ANKS1B: variants seen among roughly 807,000 people sequenced by gnomAD.
The protein encoded by ANKS1B is ankyrin repeat and sterile alpha motif domain-containing protein 1B.
Under a neutral mutation model 148.3 loss-of-function variants are expected in ANKS1B, and 36 were observed. That is an observed-to-expected ratio of 0.24 (90% confidence interval 0.19 to 0.32). The LOEUF is 0.32. Ranked by LOEUF, ANKS1B falls within the 10% of genes least tolerant of loss-of-function variation. The probability of loss-of-function intolerance (pLI) is 1.00; values close to 1 mark genes in which losing one functional copy is unlikely to be tolerated. For missense variants in ANKS1B, 1,157 were observed against 1,542.6 expected (o/e 0.75, Z 4.19); for synonymous variants, 542 against 560.8 (o/e 0.97, Z 0.47).
At chr12:99,528,065 G>GT (rs2096944944) in intron 9 of ANKS1B, among the ~76,000 whole-genome samples, 1 of 151,890 alleles carries the variant, frequency 6.6e-6, no homozygotes, top group African/African-American at 2.4e-5. Flanking sequence ...CAGAAATAAA[G>GT]CCACATGTCT....
intron 1 of ANKS1B, among the ~76,000 whole-genome samples, chr12:99,931,961 T>G (rs1363388810): frequency 6.6e-6 from 1 of 152,140 alleles, no homozygotes; most frequent in African/African-American, 2.4e-5. Context: ...TCCTACTCTC[T>G]TATATTCATG....
At chr12:99,584,260 G>A (rs1328353817) in intron 9 of ANKS1B, among the ~76,000 whole-genome samples, 3 of 152,112 alleles carry the variant, frequency 2.0e-5, no homozygotes, top group Non-Finnish European at 4.4e-5. Context: ...ATACAATAAT[G>A]CATTTCCAAC....
In ANKS1B at chr12:99,816,996, T is replaced by C. The variant is rs950898507; in HGVS notation, c.216-4685A>G. Among the ~76,000 whole-genome samples the C allele has an allele frequency of 2.6e-5, 4 of 151,738 alleles. No individual in the cohort carries two copies. In the South Asian group the frequency reaches 6.2e-4, roughly 24 times the overall value. ...TAAATCAGGATAATTGGGGTATCCA[T>C]TACCTCAAAGGTTTATCTTTTTTTT... On this transcript the variant is annotated intron_variant, in intron 2 of 26. Coordinates refer to ENST00000683438, the MANE Select transcript of ANKS1B (RefSeq NM_001352186.2).
chr12:99,342,523 T>C (rs1192190136), intron 12 of ANKS1B, among the ~76,000 whole-genome samples: 2 of 152,048 alleles, frequency 1.3e-5, no homozygotes, highest in Non-Finnish European at 2.9e-5. Flanking sequence ...GTGCAATCTC[T>C]AGTAGATGGT....
chr12:99,597,351 T>C (rs2097766875), intron 9 of ANKS1B, among the ~76,000 whole-genome samples: 1 of 151,998 alleles, frequency 6.6e-6, no homozygotes, highest in Non-Finnish European at 1.5e-5. Flanking sequence ...TTGTGAAATT[T>C]GGACATTTTC....
intron 9 of ANKS1B, among the ~76,000 whole-genome samples, chr12:99,600,711 G>A (rs1177263537): frequency 6.6e-6 from 1 of 151,946 alleles, no homozygotes; most frequent in Admixed American, 6.6e-5. Flanking sequence ...ACTTAACTGG[G>A]TCAAAAATTG....
intron 22 of ANKS1B, among the ~76,000 whole-genome samples, chr12:98,788,582 G>A (rs911055416): frequency 6.6e-6 from 1 of 152,200 alleles, no homozygotes; most frequent in African/African-American, 2.4e-5. Flanking sequence ...AGCAGCCATT[G>A]AAACCACACC....
chr12:99,801,954 T>C (rs965018538), intron 4 of ANKS1B, among the ~76,000 whole-genome samples: 23 of 152,274 alleles, frequency 1.5e-4, no homozygotes, highest in African/African-American at 5.1e-4. Context: ...AAAAGCAGTA[T>C]CATGATCAGA....
intron 1 of ANKS1B, among the ~76,000 whole-genome samples, chr12:99,905,867 T>C (rs2093760119): frequency 6.6e-6 from 1 of 152,274 alleles, no homozygotes; most frequent in South Asian, 2.1e-4. Context: ...TACAGTCACA[T>C]TATAAGGTAG....
chr12:99,323,049 T>C (rs1437999781), intron 12 of ANKS1B, among the ~76,000 whole-genome samples: 1 of 152,192 alleles, frequency 6.6e-6, no homozygotes, highest in Non-Finnish European at 1.5e-5. Flanking sequence ...GGTATGTCTT[T>C]ATCAGTAGTG....
chr12:98,991,855 CA>C (rs1228161088), intron 17 of ANKS1B, among the ~76,000 whole-genome samples: 2 of 152,130 alleles, frequency 1.3e-5, no homozygotes, highest in Non-Finnish European at 2.9e-5. Context: ...TACACACACA[CA>C]AAATTTAACA....
At chr12:98,766,663 A>T (rs1032642721) in intron 25 of ANKS1B, among the ~76,000 whole-genome samples, 2 of 152,232 alleles carry the variant, frequency 1.3e-5, no homozygotes, top group Non-Finnish European at 2.9e-5. Context: ...GTGAACTAAC[A>T]TCAATAATAG....
chr12:99,802,745 T>C (rs998242669), intron 4 of ANKS1B, among the ~76,000 whole-genome samples: 2 of 151,810 alleles, frequency 1.3e-5, no homozygotes, highest in Non-Finnish European at 2.9e-5. Context: ...AGACCTTTTC[T>C]CTACAAAAAC....
At chr12:99,111,996 G>T (rs2060381704) in intron 15 of ANKS1B, among the ~76,000 whole-genome samples, 1 of 152,268 alleles carries the variant, frequency 6.6e-6, no homozygotes, top group Admixed American at 6.5e-5. Context: ...GTTCACAAAG[G>T]TTAGCGTTTT....
intron 17 of ANKS1B, among the ~76,000 whole-genome samples, chr12:98,872,678 G>T (rs190192662): frequency 5.9e-4 from 90 of 152,266 alleles, no homozygotes; most frequent in Middle Eastern, 3.4e-3. Flanking sequence ...TGAAAAGGGG[G>T]CCATCGCCAA....
intron 1 of ANKS1B, among the ~76,000 whole-genome samples, chr12:99,851,511 A>G (rs2087835818): frequency 6.6e-6 from 1 of 152,158 alleles, no homozygotes; most frequent in African/African-American, 2.4e-5. Context: ...AAAAATCTAA[A>G]TAAGAAATTG....
rs887331254 is a variant in ANKS1B, at chr12:98,744,946, C to A, written c.*793G>T. The A allele has an allele frequency of 1.0e-6, 1 of 985,682 alleles. No homozygotes were observed. Among genetic ancestry groups the A allele is most frequent in the Non-Finnish European group, 1.2e-6 (1 of 829,934 alleles). 61.1% of individuals were successfully genotyped at this position (985,682 alleles called of 1,614,324 possible). A position where few individuals can be genotyped will look rare whatever the true frequency, so the allele number is the denominator to read the frequency against. ...ACTGAGCCAGTCCTCTTGGTAGTAG[C>A]AGTAGAAATTTAATTATTTGAAATG... On this transcript the variant is annotated 3_prime_UTR_variant, in exon 27 of 27. Transcript: ENST00000683438.
At chr12:98,905,791 A>G (rs2099778203) in intron 17 of ANKS1B, among the ~76,000 whole-genome samples, 1 of 152,122 alleles carries the variant, frequency 6.6e-6, no homozygotes, top group East Asian at 1.9e-4. Flanking sequence ...GAAGAAAAAG[A>G]AAAAAGACAT....
At chr12:99,729,406 G>A in intron 8 of ANKS1B, among the ~76,000 whole-genome samples, 1 of 151,764 alleles carries the variant, frequency 6.6e-6, no homozygotes, top group East Asian at 1.9e-4. Context: ...TTTTTCTTCT[G>A]GCAATTTAAA....
Sources: gnomAD v4.1 joint callset for allele counts (sites outside exome capture counted in the v4.1 genomes callset) on GRCh38, gnomAD v4.1.1 for gene constraint, MANE v1.5 for transcripts, NCBI Gene and HGNC (gene_info 2026-07-23, HGNC 2026-07-21) for gene names.